The following ADAMTS17 variants were observed in gnomAD, a reference collection of about 807,000 sequenced individuals.
The protein encoded by ADAMTS17 is ADAM metallopeptidase with thrombospondin type 1 motif 17.
In ADAMTS17, 113 loss-of-function variants were observed where a neutral mutation model predicts 141.5. The observed-to-expected ratio is 0.80, with a 90% CI of 0.69 to 0.93. The LOEUF is 0.93. Among genes scored for constraint, ADAMTS17 ranks in the 40% least tolerant of loss-of-function variants. ADAMTS17 has a pLI of 0.00. For missense variants in ADAMTS17, 1,659 were observed against 1,517.9 expected, an observed-to-expected ratio of 1.09 and a Z score of -1.54; for synonymous variants, 768 against 630.6, an observed-to-expected ratio of 1.22 and a Z score of -3.27.
chr15:100,341,130 C>A lies in ADAMTS17; in HGVS notation c.359G>T (p.Arg120Leu), dbSNP rs1313943679. ...CGAGTAGAAGCACAGCTCGGCGGGGCGGCCGCGGCGCCGGGCCGCGCCCGC... is the reference window on the plus strand; with the variant it reads ...CGAGTAGAAGCACAGCTCGGCGGGGAGGCCGCGGCGCCGGGCCGCGCCCGC... ...EEAGAARRRG[R>L]PAELCFYSGR... The change falls in exon 2 of 22, where the codon CGC (arginine) becomes CTC (leucine). Residue 120 changes from arginine to leucine, a missense_variant. Transcript: ENST00000268070. The A allele has an allele frequency of 1.4e-6, 2 of 1,426,766 alleles. No individual in the cohort carries two copies. The highest frequency in any genetic ancestry group is 2.8e-5 in the Admixed American group (1 of 35,372). 88.4% of individuals were successfully genotyped at this position (1,426,766 alleles called of 1,614,324 possible).
At position 100,194,279 on chromosome 15, in the gene ADAMTS17, T is replaced by C. The variant is rs541257687; in HGVS notation, c.1181+5039A>G. 2.6e-5 allele frequency among the ~76,000 whole-genome samples: 4 copies of C among 152,118 alleles called. 1 individual carries two copies. In the South Asian group the frequency reaches 8.3e-4, roughly 31 times the overall value. ...TAGGCCCAGAACGACTAGTGGACAC[T>C]TGGTTCTGTGCCCTCCTGCCAGCAG... On this transcript the variant is annotated intron_variant, in intron 8 of 21. Coordinates refer to ENST00000268070, the MANE Select transcript of ADAMTS17 (RefSeq NM_139057.4).
chr15:100,232,261 G>A (rs35031388), intron 7 of ADAMTS17, among the ~76,000 whole-genome samples: 13,606 of 152,246 alleles, frequency 0.089, 666 homozygotes, highest in East Asian at 0.15. Flanking sequence ...CAATCCACCC[G>A]GGCAGGACAC....
At chr15:100,190,894 G>C (rs143726224) in intron 8 of ADAMTS17, among the ~76,000 whole-genome samples, 1 of 152,322 alleles carries the variant, frequency 6.6e-6, no homozygotes, top group East Asian at 1.9e-4. Context: ...TTCACGTGTG[G>C]AAAGAGCACT....
intron 10 of ADAMTS17, among the ~76,000 whole-genome samples, chr15:100,150,386 G>A (rs1425453358): frequency 2.6e-5 from 4 of 152,100 alleles, no homozygotes; most frequent in East Asian, 1.9e-4. Context: ...CCCTGGGCTC[G>A]CTTTCCAGCC....
At chr15:100,322,049 T>G (rs2045747623) in intron 3 of ADAMTS17, among the ~76,000 whole-genome samples, 1 of 152,138 alleles carries the variant, frequency 6.6e-6, no homozygotes, top group South Asian at 2.1e-4. Flanking sequence ...CTAATCCTCC[T>G]ACAGATAGCA....
At chr15:100,318,285 T>C (rs1024573251) in intron 3 of ADAMTS17, among the ~76,000 whole-genome samples, 1 of 150,944 alleles carries the variant, frequency 6.6e-6, no homozygotes, top group Non-Finnish European at 1.5e-5. Context: ...CCCCCCCTTA[T>C]AGTTTTTTAA....
chr15:100,298,347 G>A (rs79187076), intron 3 of ADAMTS17, among the ~76,000 whole-genome samples: 1,673 of 152,198 alleles, frequency 0.011, 29 homozygotes, highest in African/African-American at 0.033. Flanking sequence ...GAAGAACGAG[G>A]CTTCTACTGC....
intron 3 of ADAMTS17, among the ~76,000 whole-genome samples, chr15:100,305,226 T>G (rs954351059): frequency 2.0e-5 from 3 of 152,066 alleles, no homozygotes; most frequent in Non-Finnish European, 4.4e-5. Context: ...CTCATCCAGG[T>G]CTCATTTATT....
chr15:100,113,468 C>G (rs573045546), intron 13 of ADAMTS17, among the ~76,000 whole-genome samples: 1 of 152,272 alleles, frequency 6.6e-6, no homozygotes, highest in South Asian at 2.1e-4. Flanking sequence ...ACTAGCAATA[C>G]AAATATTTGG....
In ADAMTS17 at chr15:100,051,634, T is replaced by A. The variant is rs1300557083; in HGVS notation, c.2393A>T (p.Gln798Leu). The A allele has an allele frequency of 6.2e-7, 1 of 1,614,222 alleles. No homozygotes were observed. Among genetic ancestry groups the A allele is most frequent in the South Asian group, 1.1e-5 (1 of 91,084 alleles). ...GTGGGTCCAGATGAACAAAGAGTCC[T>A]GCGGTTTTTCTGGTTCGCTTTGATT... ...AENQSEPEKP[Q>L]DSLFIWTHSG... The change falls in exon 17 of 22, where the codon CAG becomes CTG. Residue 798 changes from glutamine (Q) to leucine (L), a missense_variant. Coordinates refer to ENST00000268070, the MANE Select transcript of ADAMTS17 (RefSeq NM_139057.4).
chr15:100,175,507 C>A (rs2040307451), intron 8 of ADAMTS17, among the ~76,000 whole-genome samples: 1 of 152,034 alleles, frequency 6.6e-6, no homozygotes, highest in African/African-American at 2.4e-5. Context: ...AAAAGAAAAC[C>A]AACATTTCAA....
intron 15 of ADAMTS17, among the ~76,000 whole-genome samples, chr15:100,090,610 C>T (rs117695738): frequency 0.042 from 6,445 of 152,272 alleles, 191 homozygotes; most frequent in South Asian, 0.11. Flanking sequence ...TCAGGGCGGA[C>T]TCGGTACCCA....
At chr15:99,976,931 G>A (rs1233995485) in intron 20 of ADAMTS17, among the ~76,000 whole-genome samples, 5 of 152,140 alleles carry the variant, frequency 3.3e-5, no homozygotes, top group African/African-American at 4.8e-5. Context: ...AGGCTCTGAC[G>A]TTTTTGAGAT....
At chr15:100,339,216 T>C (rs1408891160) in intron 2 of ADAMTS17, 2 of 957,082 alleles carry the variant, frequency 2.1e-6, no homozygotes, top group African/African-American at 3.5e-5. Flanking sequence ...GCCGAGAAGC[T>C]GGCTGAGATG....
chr15:100,068,837 AG>A (rs1303797810), intron 15 of ADAMTS17, among the ~76,000 whole-genome samples: 1 of 152,260 alleles, frequency 6.6e-6, no homozygotes, highest in Non-Finnish European at 1.5e-5. Context: ...TCTAAAAATC[AG>A]AGCACCTCTC....
intron 4 of ADAMTS17, among the ~76,000 whole-genome samples, chr15:100,268,460 A>G (rs1349254747): frequency 6.6e-6 from 1 of 151,958 alleles, no homozygotes; most frequent in Non-Finnish European, 1.5e-5. Context: ...AGCATCTGTT[A>G]TTTTTCTGAC....
At chr15:100,055,376 C>G (rs1322483506) in intron 15 of ADAMTS17, among the ~76,000 whole-genome samples, 1 of 152,222 alleles carries the variant, frequency 6.6e-6, no homozygotes, top group Admixed American at 6.5e-5. Context: ...AGGCCACAAG[C>G]AACAGAGGGT....
At position 100,290,799 on chromosome 15, in the gene ADAMTS17, CAGA is replaced by C. The variant is rs1408103672; in HGVS notation, c.617-9401_617-9399del. Among the ~76,000 whole-genome samples the C allele has an allele frequency of 2.6e-5, 4 of 151,992 alleles. No individual in the cohort carries two copies. In the East Asian group the frequency reaches 7.7e-4, roughly 29 times the overall value. On this transcript the variant is annotated intron_variant, in intron 3 of 21. Coordinates refer to ENST00000268070, the MANE Select transcript of ADAMTS17 (RefSeq NM_139057.4). Reference sequence around the variant, plus strand: ...AAATGGTGCTGAAATAACTTATTTGCAGAAGATTAAAATTGGACCCCTTCCTCT... The same window carrying C: ...AAATGGTGCTGAAATAACTTATTTGCAGATTAAAATTGGACCCCTTCCTCT...
chr15:100,273,603 G>C (rs1166144546), intron 4 of ADAMTS17, among the ~76,000 whole-genome samples: 1 of 152,076 alleles, frequency 6.6e-6, no homozygotes, highest in Non-Finnish European at 1.5e-5. Flanking sequence ...ATCTAGCTAA[G>C]GTTTGTCAAT....
Sources: allele counts gnomAD v4.1 joint callset (sites outside exome capture counted in the v4.1 genomes callset), GRCh38; gene constraint gnomAD v4.1.1; transcripts MANE v1.5; gene names NCBI Gene and HGNC (gene_info 2026-07-23, HGNC 2026-07-21).